Variants in PRKDC observed in about 807,000 individuals in gnomAD.
PRKDC encodes protein kinase, DNA-activated, catalytic subunit.
PRKDC carries 82 observed loss-of-function variants against 486.9 expected under a neutral mutation model. That is an observed-to-expected ratio of 0.17 (90% CI 0.14 to 0.20). The LOEUF (loss-of-function observed/expected upper bound fraction) is 0.20. Ranked by LOEUF, PRKDC falls within the 10% of genes least tolerant of loss-of-function variation. The pLI is 1.00. For missense variants in PRKDC, 4,504 were observed against 5,038.2 expected (o/e 0.89, Z 3.21); for synonymous variants, 1,895 against 1,837.0 (o/e 1.03, Z -0.81).
chr8:47,846,943 A>T (rs577961652), intron 54 of PRKDC, among the ~76,000 whole-genome samples: 39 of 152,228 alleles, frequency 2.6e-4, no homozygotes, highest in Non-Finnish European at 7.3e-5. Context: ...GAATACAGCT[A>T]ACCAAGGAGG....
At chr8:47,947,309 G>A (rs2090550593) in intron 7 of PRKDC, among the ~76,000 whole-genome samples, 1 of 152,132 alleles carries the variant, frequency 6.6e-6, no homozygotes, top group Non-Finnish European at 1.5e-5. Context: ...CCAAATTCTG[G>A]CATTCCTCTT....
intron 80 of PRKDC, among the ~76,000 whole-genome samples, chr8:47,780,227 T>A (rs995628811): frequency 1.3e-5 from 2 of 152,182 alleles, no homozygotes; most frequent in Admixed American, 1.3e-4. Flanking sequence ...TGCCACATCT[T>A]TCTTTATATT....
In PRKDC at chr8:47,904,863, A is replaced by T. The variant is rs1466321988; in HGVS notation, c.3042+6T>A. 6.5e-7 allele frequency: 1 copy of T among 1,546,660 alleles called. No individual in the cohort carries two copies. The highest frequency in any genetic ancestry group is 1.1e-5 in the South Asian group (1 of 88,146). ...AGTAAGAGGAAAAGAATCAACTATT[A>T]CTTACCAATATAGCTTCTAGTAAGG... On this transcript the variant is annotated splice_donor_region_variant and intron_variant, in intron 26 of 85. Transcript: ENST00000314191.
rs1053145417 is a variant in PRKDC, at chr8:47,773,255, G to C, written c.*918C>G. Reference sequence around the variant, plus strand: ...AACAGTTTGGGTGTGGAGGACTGGCGGGGGGGGACAGGGACTGCACATGGG... The same window carrying C: ...AACAGTTTGGGTGTGGAGGACTGGCCGGGGGGGACAGGGACTGCACATGGG... On this transcript the variant is annotated 3_prime_UTR_variant, in exon 86 of 86. Transcript: ENST00000314191. The C allele has an allele frequency of 4.5e-6, 1 of 220,742 alleles. No homozygotes were observed. The highest frequency in any genetic ancestry group is 1.9e-4 in the South Asian group (1 of 5,356). 13.7% of individuals were successfully genotyped at this position (220,742 alleles called of 1,614,324 possible). A position where few individuals can be genotyped will look rare whatever the true frequency, so the allele number is the denominator to read the frequency against.
chr8:47,798,196 C>T (rs2087019794), intron 73 of PRKDC, 41 bp downstream of exon 73: 2 of 1,587,602 alleles, frequency 1.3e-6, no homozygotes, highest in South Asian at 1.2e-5. Context: ...TCTTTAAGTT[C>T]TGTAAAGTTC....
chr8:47,840,143 T>C lies in PRKDC; in HGVS notation c.7327A>G (p.Met2443Val). 3.7e-6 allele frequency: 6 copies of C among 1,600,766 alleles called. No individual in the cohort carries two copies. The highest frequency in any genetic ancestry group is 5.1e-6 in the Non-Finnish European group (6 of 1,172,418). ...KVCLDIIYKM[M>V]PKLKPVELRE... ...AGTTCTACTGGTTTTAACTTTGGCA[T>C]CATCTTATAAATTATGTCCAAACAT... The change falls in exon 55 of 86, where the codon ATG becomes GTG. Residue 2443 changes from methionine to valine, a missense_variant. Met to Val is a conservative substitution (Grantham distance 21). Transcript: ENST00000314191.
chr8:47,945,525 T>C (rs1308613896), intron 7 of PRKDC, among the ~76,000 whole-genome samples: 1 of 152,216 alleles, frequency 6.6e-6, no homozygotes, highest in Non-Finnish European at 1.5e-5. Context: ...GGCTGGCTTA[T>C]TCCACTTAGC....
At chr8:47,938,181 C>T (rs1177622604) in intron 11 of PRKDC, among the ~76,000 whole-genome samples, 5 of 150,758 alleles carry the variant, frequency 3.3e-5, no homozygotes, top group African/African-American at 7.3e-5. Context: ...CCAAGGTGGG[C>T]GGATCACCTG....
chr8:47,936,423 C>T lies in PRKDC; in HGVS notation c.1208G>A (p.Gly403Asp). The change falls in exon 12 of 86, where the codon GGT becomes GAT. Residue 403 changes from glycine (G) to aspartate (D), a missense_variant. Physicochemically the swap from Gly to Asp is moderately conservative, Grantham distance 94. Transcript: ENST00000314191. ...TGGCATCTGATAAACACGGTCGTCA[C>T]CAGTGTCTGTCTGGGTGAGGAACAT... ...KQMFLTQTDT[G>D]DDRVYQMPSF... The T allele has an allele frequency of 6.2e-7, 1 of 1,614,006 alleles. No homozygotes were observed.
At chr8:47,836,112 C>T (rs1300400811) in intron 58 of PRKDC, among the ~76,000 whole-genome samples, 1 of 152,200 alleles carries the variant, frequency 6.6e-6, no homozygotes, top group Admixed American at 6.5e-5. Context: ...AACTATAAAT[C>T]CCCATTCCTC....
Position 47,857,447 on chromosome 8 carries a change from T to A in PRKDC, c.6466-148A>T, listed in dbSNP as rs1037678699. 3 of 794,492 alleles carry A rather than the reference T, an allele frequency of 3.8e-6. No individual in the cohort carries two copies. In the African/African-American group the frequency reaches 5.2e-5, roughly 14 times the overall value. The allele number at this position is 794,492 out of a possible 1,614,324, so 49.2% of individuals were successfully genotyped here. A position where few individuals can be genotyped will look rare whatever the true frequency, so the allele number is the denominator to read the frequency against. On this transcript the variant is annotated intron_variant, in intron 48 of 85. Coordinates refer to ENST00000314191, the MANE Select transcript of PRKDC (RefSeq NM_006904.7). ...AGGTAAGCACGTTAAAGTGAAGGCA[T>A]TAGTGTGGGCCCTAATCAAATATGA...
In PRKDC at chr8:47,776,714, T is replaced by C. The variant is rs573145826; in HGVS notation, c.12182+130A>G. ...TCAGCCTCTCTAAGCCCTGCTTTCC[T>C]CCTCAATGAAAGCAGAGAAGTCATG... On this transcript the variant is annotated intron_variant, in intron 85 of 85. Coordinates refer to ENST00000314191, the MANE Select transcript of PRKDC (RefSeq NM_006904.7). 846 of 1,272,090 alleles carry C rather than the reference T, an allele frequency of 6.7e-4. 8 individuals carry two copies. In the African/African-American group the frequency reaches 0.012, roughly 18 times the overall value. The allele number at this position is 1,272,090 out of a possible 1,614,324, so 78.8% of individuals were successfully genotyped here.
At chr8:47,843,669 G>C (rs1170624004) in intron 54 of PRKDC, among the ~76,000 whole-genome samples, 2 of 152,158 alleles carry the variant, frequency 1.3e-5, no homozygotes, top group Non-Finnish European at 2.9e-5. Context: ...CACATACTGA[G>C]AGAACCCCAT....
Position 47,864,579 on chromosome 8 carries a change from C to T in PRKDC, c.5548G>A (p.Val1850Met). 1 of 1,609,450 alleles carries T rather than the reference C, an allele frequency of 6.2e-7. No homozygotes were observed. Among genetic ancestry groups the T allele is most frequent in the Non-Finnish European group, 8.5e-7 (1 of 1,178,330 alleles). Residue 1850 changes from valine (V) to methionine (M), a missense_variant, in exon 41 of 86, where the codon GTG (valine) becomes ATG (methionine). By Grantham distance (21) the Val-to-Met change is conservative. Transcript: ENST00000314191. ...ACCTTTGTAAACCTGGACTTCAACA[C>T]ATCAATGGCATCCACCACAATTGTG... ...FSTIVVDAID[V>M]LKSRFTKLNE...
In PRKDC at chr8:47,890,487, G is replaced by A. The variant is rs747769454; in HGVS notation, c.3848-7C>T. 10 of 1,530,550 alleles carry A rather than the reference G, an allele frequency of 6.5e-6. No individual in the cohort carries two copies. The South Asian group carries it at 1.1e-4, about 17-fold the overall frequency. 94.8% of individuals were successfully genotyped at this position (1,530,550 alleles called of 1,614,324 possible). ...GAAGACTGGGCTTCAGTACCTAGAA[G>A]CAATTATATTAAAGTATTAATATAT... On this transcript the variant is annotated splice_polypyrimidine_tract_variant and splice_region_variant and intron_variant, in intron 31 of 85. Transcript: ENST00000314191.
At position 47,869,340 on chromosome 8, in the gene PRKDC, C is replaced by A. The variant is rs373472121; in HGVS notation, c.5364-4577G>T. 5.3e-5 allele frequency among the ~76,000 whole-genome samples: 8 copies of A among 151,818 alleles called. No individual in the cohort carries two copies. The South Asian group carries it at 1.0e-3, about 20-fold the overall frequency. On this transcript the variant is annotated intron_variant, in intron 40 of 85. Coordinates refer to ENST00000314191, the MANE Select transcript of PRKDC (RefSeq NM_006904.7). ...AACTGGGATACCAGCTCAGCCACAG[C>A]AGAACAGGGCACCAGGGAGAATCCT...
chr8:47,857,033 T>C (rs1370074486), intron 49 of PRKDC, 123 bp downstream of exon 49: 3 of 1,101,012 alleles, frequency 2.7e-6, no homozygotes, highest in East Asian at 2.9e-5. Context: ...ACACCAGCAA[T>C]GTAGCAACAA....
chr8:47,959,827 A>G, intron 1 of PRKDC, 146 bp downstream of exon 1: 2 of 1,369,942 alleles, frequency 1.5e-6, no homozygotes, highest in South Asian at 1.5e-5. Context: ...ATCCCTTTAT[A>G]CACATACACA....
intron 78 of PRKDC, chr8:47,783,120 A>C (rs1194557755): frequency 6.3e-6 from 1 of 159,784 alleles, no homozygotes; most frequent in Non-Finnish European, 1.4e-5. Flanking sequence ...TCTACTAAAA[A>C]TACAAAAATT....
Sources: allele counts gnomAD v4.1 joint callset (sites outside exome capture counted in the v4.1 genomes callset), GRCh38; gene constraint gnomAD v4.1.1; transcripts MANE v1.5; gene names NCBI Gene and HGNC (gene_info 2026-07-23, HGNC 2026-07-21).